The following CEP164 variants were observed in gnomAD, a reference collection of about 807,000 sequenced individuals.
The protein encoded by CEP164 is centrosomal protein of 164 kDa.
CEP164 carries 162 observed loss-of-function variants against 182.7 expected under a neutral mutation model. The observed-to-expected ratio is 0.89, with a 90% CI of 0.78 to 1.01. The LOEUF (loss-of-function observed/expected upper bound fraction) is 1.01. CEP164 is among the 50% of genes least tolerant of loss of function. The probability of loss-of-function intolerance (pLI) is 0.00; values close to 1 mark genes in which losing one functional copy is unlikely to be tolerated. For missense variants in CEP164, 1,735 were observed against 1,790.4 expected, an observed-to-expected ratio of 0.97 and a Z score of 0.56; for synonymous variants, 661 against 690.0, an observed-to-expected ratio of 0.96 and a Z score of 0.66.
intron 12 of CEP164, 32 bp downstream of exon 12, chr11:117,380,737 G>T: frequency 3.2e-6 from 5 of 1,560,918 alleles, no homozygotes; most frequent in Non-Finnish European, 4.3e-6. Context: ...CCCCAGCGCT[G>T]TGCCTTCAGG....
chr11:117,394,300 G>A lies in CEP164; in HGVS notation c.2617-50G>A, dbSNP rs2045118529. On this transcript the variant is annotated intron_variant, in intron 20 of 32. Transcript: ENST00000278935. This position sits in a 1 kb window ranked among gnomAD's most constrained non-coding sequence, Gnocchi z 4.0. ...GGCTAGGGGAGCTGTGATTTTTGTG[G>A]TAGAAGGGGCTGCCGCAGCTTCCCA... The A allele has an allele frequency of 6.4e-7, 1 of 1,555,564 alleles. No individual in the cohort carries two copies. Among genetic ancestry groups the A allele is most frequent in the African/African-American group, 1.4e-5 (1 of 73,488 alleles).
intron 7 of CEP164, 95 bp downstream of exon 7, chr11:117,362,633 A>T (rs781474533): frequency 2.9e-5 from 42 of 1,431,092 alleles, no homozygotes; most frequent in Admixed American, 8.6e-5. Flanking sequence ...AATATGTAAC[A>T]TAAAATTTGC....
In CEP164 at chr11:117,376,208, C is replaced by T. The variant is rs569016617; in HGVS notation, c.1317+417C>T. On this transcript the variant is annotated intron_variant, in intron 11 of 32. Coordinates refer to ENST00000278935, the MANE Select transcript of CEP164 (RefSeq NM_014956.5). ...TCCACCTCCGCCACGCCTCTGCCTG[C>T]CACTCTGCTTTCCCATTTTTCCCAG... Among the ~76,000 whole-genome samples the T allele has an allele frequency of 5.3e-5, 8 of 152,360 alleles. No homozygotes were observed. In the South Asian group the frequency reaches 1.0e-3, roughly 20 times the overall value.
In CEP164 at chr11:117,392,995, C is replaced by A. The variant is rs373873905; in HGVS notation, c.2494-9C>A. ...TCTTCATGCCACATCCCTGCCATCT[C>A]CCCTGCAGCTCAGCAGTCTCCTGCG... On this transcript the variant is annotated splice_polypyrimidine_tract_variant and intron_variant, in intron 19 of 32. Transcript: ENST00000278935. The A allele has an allele frequency of 6.2e-7, 1 of 1,612,690 alleles. No homozygotes were observed. Among genetic ancestry groups the A allele is most frequent in the Non-Finnish European group, 8.5e-7 (1 of 1,179,566 alleles).
chr11:117,361,897 T>C lies in CEP164; in HGVS notation c.456T>C (p.Gly152=), dbSNP rs2135689791. 1 of 1,613,992 alleles carries C rather than the reference T, an allele frequency of 6.2e-7. No homozygotes were observed. Among genetic ancestry groups the C allele is most frequent in the Non-Finnish European group, 8.5e-7 (1 of 1,180,000 alleles). ...VPLGGLAPLR[G]LVDTPPSALR... is the part of the protein sequence containing the mutation. Reference sequence around the variant, plus strand: ...TTGGGGGCCTGGCTCCTTTACGAGGTCTTGTGGATACCCCACCCTCTGCTC... The same window carrying C: ...TTGGGGGCCTGGCTCCTTTACGAGGCCTTGTGGATACCCCACCCTCTGCTC... Residue 152 remains glycine, a synonymous_variant, in exon 6 of 33, where the codon GGT becomes GGC. Coordinates refer to ENST00000278935, the MANE Select transcript of CEP164 (RefSeq NM_014956.5).
chr11:117,411,880 C>T lies in CEP164; in HGVS notation c.4249C>T (p.Arg1417Trp), dbSNP rs745904143. The T allele has an allele frequency of 4.8e-5, 78 of 1,614,006 alleles. No individual in the cohort carries two copies. Among genetic ancestry groups the T allele is most frequent in the South Asian group, 4.5e-4 (41 of 91,070 alleles). ...TTFQGIIEAN[R>W]RWLERVKNDP... ...CTTTCAGGGCATAATTGAGGCCAAC[C>T]GGAGGTGGCTGGAACGTGTCAAGAA... The change falls in exon 32 of 33, where the codon CGG (arginine) becomes TGG (tryptophan). Residue 1417 changes from arginine (R) to tryptophan (W), a missense_variant. Coordinates refer to ENST00000278935, the MANE Select transcript of CEP164 (RefSeq NM_014956.5). This position sits in a 1 kb window ranked among gnomAD's most constrained non-coding sequence, Gnocchi z 4.4.
chr11:117,409,548 A>C lies in CEP164; in HGVS notation c.3749-70A>C. 7.1e-7 allele frequency: 1 copy of C among 1,408,784 alleles called. No homozygotes were observed. Among genetic ancestry groups the C allele is most frequent in the Non-Finnish European group, 9.7e-7 (1 of 1,026,088 alleles). The allele number at this position is 1,408,784 out of a possible 1,614,324, so 87.3% of individuals were successfully genotyped here. ...GGTGGCCAGTAGGGTCCTCCATGAC[A>C]GCTGTGTCTGGGAATGGTCCAGGGT... On this transcript the variant is annotated intron_variant, in intron 29 of 32. Coordinates refer to ENST00000278935, the MANE Select transcript of CEP164 (RefSeq NM_014956.5). This position sits in a 1 kb window ranked among gnomAD's most constrained non-coding sequence, Gnocchi z 4.4.
intron 3 of CEP164, among the ~76,000 whole-genome samples, chr11:117,342,921 C>T (rs567709962): frequency 6.6e-6 from 1 of 152,184 alleles, no homozygotes; most frequent in Non-Finnish European, 1.5e-5. Context: ...GTCCCCCAGG[C>T]TGGAGTATAG....
upstream of CEP164, among the ~76,000 whole-genome samples, chr11:117,325,971 C>T (rs531195698): frequency 1.5e-5 from 2 of 129,658 alleles, no homozygotes; most frequent in South Asian, 2.5e-4. Context: ...AGTGCAATGT[C>T]GAGACCTTGG....
At chr11:117,393,339 CT>C (rs1320202922) in intron 20 of CEP164, among the ~76,000 whole-genome samples, 2 of 152,128 alleles carry the variant, frequency 1.3e-5, no homozygotes, top group East Asian at 3.9e-4. Flanking sequence ...TGTTTTTTGC[CT>C]TTTTTATTAA....
chr11:117,392,429 C>A, intron 18 of CEP164, 67 bp from the exon 19 acceptor site: 1 of 1,579,656 alleles, frequency 6.3e-7, no homozygotes, highest in South Asian at 1.2e-5. Flanking sequence ...CAGAACACAT[C>A]CCCACACAGC....
At chr11:117,345,066 G>A (rs765367781) in intron 4 of CEP164, among the ~76,000 whole-genome samples, 2 of 152,218 alleles carry the variant, frequency 1.3e-5, no homozygotes, top group Non-Finnish European at 1.5e-5. Context: ...GGGAACACTT[G>A]GCTCTGCCAT....
At chr11:117,351,389 T>C (rs2039603488) in intron 4 of CEP164, among the ~76,000 whole-genome samples, 2 of 152,188 alleles carry the variant, frequency 1.3e-5, no homozygotes, top group South Asian at 4.1e-4. Flanking sequence ...CCTTAGACTG[T>C]TTATTAAAAT....
At chr11:117,372,357 C>T (rs912182053) in intron 9 of CEP164, among the ~76,000 whole-genome samples, 32 of 152,088 alleles carry the variant, frequency 2.1e-4, no homozygotes, top group African/African-American at 6.3e-4. Context: ...TCGATCTGCC[C>T]GCCTCGGCCT....
At chr11:117,376,815 G>A (rs568880846) in intron 11 of CEP164, among the ~76,000 whole-genome samples, 1 of 152,334 alleles carries the variant, frequency 6.6e-6, no homozygotes, top group Admixed American at 6.5e-5. Context: ...GTCAAAGGAA[G>A]GTGGGATTAG....
Position 117,371,350 on chromosome 11 carries a change from G to A in CEP164, c.1036G>A (p.Glu346Lys), listed in dbSNP as rs2042176397. Reference protein sequence around the residue: ...GSEPAKASEKEAPEDTVDAGE... With the variant: ...GSEPAKASEKKAPEDTVDAGE... ...TGAGCCTGCCAAAGCCTCTGAAAAG[G>A]AAGCACCAGAGGACACAGTAGATGC... is the stretch of plus-strand genomic sequence containing the variant. Residue 346 changes from glutamate (E) to lysine (K), a missense_variant, in exon 9 of 33, where the codon GAA becomes AAA. By Grantham distance (56) the Glu-to-Lys change is moderately conservative. Transcript: ENST00000278935. The A allele has an allele frequency of 6.2e-7, 1 of 1,614,216 alleles. No homozygotes were observed. Among genetic ancestry groups the A allele is most frequent in the Non-Finnish European group, 8.5e-7 (1 of 1,180,036 alleles).
chr11:117,392,967 G>C, intron 19 of CEP164, 37 bp from the exon 20 acceptor site: 1 of 1,610,454 alleles, frequency 6.2e-7, no homozygotes, highest in Non-Finnish European at 8.5e-7. Context: ...GGTCCGCCTC[G>C]GTTCTTCATG....
In CEP164 at chr11:117,408,886, A is replaced by G. The variant is rs111915712; in HGVS notation, c.3610-4A>G. 117 of 1,614,066 alleles carry G rather than the reference A, an allele frequency of 7.2e-5. 1 individual carries two copies. The African/African-American group carries it at 1.1e-3, about 15-fold the overall frequency. ...GGGTCATAACTGCTGACTTTACCCC[A>G]CAGGCCTCAGATGAGGGCACTCTGG... On this transcript the variant is annotated splice_polypyrimidine_tract_variant and splice_region_variant and intron_variant, in intron 28 of 32. Transcript: ENST00000278935.
chr11:117,378,777 G>T (rs2043011727), intron 11 of CEP164, among the ~76,000 whole-genome samples: 2 of 152,164 alleles, frequency 1.3e-5, no homozygotes, highest in Admixed American at 6.5e-5. Context: ...CCTTTTCTCT[G>T]TCAGTGGGGG....
Sources: allele counts gnomAD v4.1 joint callset (sites outside exome capture counted in the v4.1 genomes callset), GRCh38; gene constraint gnomAD v4.1.1; non-coding constraint Gnocchi (gnomAD v3.1); transcripts MANE v1.5; gene names NCBI Gene and HGNC (gene_info 2026-07-23, HGNC 2026-07-21).